MICB: variants seen among roughly 807,000 people sequenced by gnomAD.
MICB encodes the protein MHC class I antigen-related protein B.
A neutral mutation model predicts 34.3 loss-of-function variants in MICB; 27 were observed. That is an observed-to-expected ratio of 0.79 (90% confidence interval 0.58 to 1.08). MICB has a LOEUF of 1.08. MICB is among the 50% of genes least tolerant of loss of function. The probability of loss-of-function intolerance (pLI) is 0.00; values close to 1 mark genes in which losing one functional copy is unlikely to be tolerated. For missense variants in MICB, 426 were observed against 483.1 expected (o/e 0.88, Z 1.11); for synonymous variants, 153 against 187.4 (o/e 0.82, Z 1.50).
chr6:31,498,248 C>T lies in MICB; in HGVS notation c.55C>T (p.Pro19Ser), dbSNP rs1342167919. Residue 19 changes from proline (P) to serine (S), a missense_variant, in exon 1 of 6, where the codon CCG (proline) becomes TCG (serine). Pro to Ser is a moderately conservative substitution (Grantham distance 74). Coordinates refer to ENST00000252229, the MANE Select transcript of MICB (RefSeq NM_005931.5). ...GGCCGTCGCCTTCCCTTTTGCACCC[C>T]CGGCAGCCGCCGCTGGTGAGTGGGG... ...FLAVAFPFAP[P>S]AAAAEPHSLR... The T allele has an allele frequency of 2.5e-6, 4 of 1,574,486 alleles. No individual in the cohort carries two copies. Among genetic ancestry groups the T allele is most frequent in the East Asian group, 2.5e-5 (1 of 40,056 alleles).
chr6:31,504,251 T>C (rs1765165446), intron 1 of MICB, among the ~76,000 whole-genome samples: 16 of 96,896 alleles, frequency 1.7e-4, no homozygotes, highest in South Asian at 3.8e-4. Context: ...TCTCTCTCTT[T>C]TTCTTTTTTT....
rs1461659972 is a variant in MICB, at chr6:31,507,086, G to A, written c.678G>A (p.Arg226=). The change falls in exon 4 of 6, where the codon AGG becomes AGA. Residue 226 remains arginine, a synonymous_variant. Coordinates refer to ENST00000252229, the MANE Select transcript of MICB (RefSeq NM_005931.5). This position sits in a 1 kb window ranked among gnomAD's most constrained non-coding sequence, Gnocchi z 6.0. ...VSEGNITVTC[R]ASSFYPRNIT... ...AGGGCAACATCACCGTGACATGCAG[G>A]GCTTCCAGCTTCTATCCCCGGAATA... is the stretch of plus-strand genomic sequence containing the variant. 1 of 1,613,930 alleles carries A rather than the reference G, an allele frequency of 6.2e-7. No homozygotes were observed. The highest frequency in any genetic ancestry group is 8.5e-7 in the Non-Finnish European group (1 of 1,179,866).
chr6:31,509,986 GAA>G lies in MICB; in HGVS notation c.*79_*80del, dbSNP rs1414237723. On this transcript the variant is annotated 3_prime_UTR_variant, in exon 6 of 6. Transcript: ENST00000252229. ...ACTTTCCCTCTGTTTCCTGACCTAT[GAA>G]ACAGAGAAAATAACATCACTTATTT... is the stretch of plus-strand genomic sequence containing the variant. 1 of 1,372,656 alleles carries G rather than the reference GAA, an allele frequency of 7.3e-7. No homozygotes were observed. The highest frequency in any genetic ancestry group is 2.4e-5 in the African/African-American group (1 of 42,374). 85.0% of individuals were successfully genotyped at this position (1,372,656 alleles called of 1,614,324 possible). A position where few individuals can be genotyped will look rare whatever the true frequency, so the allele number is the denominator to read the frequency against.
chr6:31,498,252 C>G lies in MICB; in HGVS notation c.59C>G (p.Ala20Gly). 6.4e-7 allele frequency: 1 copy of G among 1,573,060 alleles called. No individual in the cohort carries two copies. The highest frequency in any genetic ancestry group is 8.6e-7 in the Non-Finnish European group (1 of 1,157,504). Residue 20 changes from alanine to glycine, a missense_variant, in exon 1 of 6, where the codon GCA becomes GGA. Physicochemically the swap from Ala to Gly is moderately conservative, Grantham distance 60 (BLOSUM62 0). Transcript: ENST00000252229. ...GTCGCCTTCCCTTTTGCACCCCCGG[C>G]AGCCGCCGCTGGTGAGTGGGGTTCC... ...LAVAFPFAPP[A>G]AAAEPHSLRY...
chr6:31,504,550 C>G (rs146133945), intron 1 of MICB, among the ~76,000 whole-genome samples: 10 of 140,448 alleles, frequency 7.1e-5, no homozygotes, highest in Non-Finnish European at 1.3e-4. Context: ...TGAGCCACCA[C>G]GCCTGGCCTT....
chr6:31,505,973 G>T (rs1765295903), intron 2 of MICB, 102 bp downstream of exon 2: 2 of 1,491,570 alleles, frequency 1.3e-6, no homozygotes, highest in African/African-American at 2.8e-5. Flanking sequence ...GCTGGGGGTG[G>T]GGATGAGGAA....
At chr6:31,500,665 T>A (rs1340235087) in intron 1 of MICB, among the ~76,000 whole-genome samples, 1 of 152,214 alleles carries the variant, frequency 6.6e-6, no homozygotes, top group East Asian at 1.9e-4. Context: ...ATTGTTTTAA[T>A]TTTTGGCTGC....
chr6:31,497,350 AG>A (rs1205739454), upstream of MICB, among the ~76,000 whole-genome samples: 1 of 152,166 alleles, frequency 6.6e-6, no homozygotes, highest in Non-Finnish European at 1.5e-5. Flanking sequence ...ATGGTCCCAG[AG>A]GTACAGATGT....
chr6:31,498,235 C>G lies in MICB; in HGVS notation c.42C>G (p.Phe14Leu), dbSNP rs1292886387. Residue 14 changes from phenylalanine to leucine, a missense_variant, in exon 1 of 6, where the codon TTC (phenylalanine) becomes TTG (leucine). Transcript: ENST00000252229. ...GRVLLFLAVA[F>L]PFAPPAAAAE... ...TCCTGCTGTTTCTGGCCGTCGCCTT[C>G]CCTTTTGCACCCCCGGCAGCCGCCG... The G allele has an allele frequency of 1.3e-6, 2 of 1,583,240 alleles. No individual in the cohort carries two copies. The highest frequency in any genetic ancestry group is 1.7e-6 in the Non-Finnish European group (2 of 1,162,976).
chr6:31,496,858 G>A (rs183120792), upstream of MICB: 1 of 152,836 alleles, frequency 6.5e-6, no homozygotes, highest in East Asian at 1.9e-4. Context: ...CAGTAACCTG[G>A]AAGAGGGAGA....
At chr6:31,503,444 C>A (rs555123885) in intron 1 of MICB, among the ~76,000 whole-genome samples, 2 of 152,290 alleles carry the variant, frequency 1.3e-5, no homozygotes, top group South Asian at 4.1e-4. Flanking sequence ...ACCCATTAAT[C>A]AGTAACTCCC....
chr6:31,507,337 G>A lies in MICB; in HGVS notation c.892+37G>A, dbSNP rs1765408010. The A allele has an allele frequency of 6.2e-7, 1 of 1,613,140 alleles. No individual in the cohort carries two copies. Among genetic ancestry groups the A allele is most frequent in the Non-Finnish European group, 8.5e-7 (1 of 1,179,432 alleles). ...GTGACCCTGGAGAGGGTCAGGCCAGGGTAGGAACAGCAAGGACGGCTGTGG... is the reference window on the plus strand; with the variant it reads ...GTGACCCTGGAGAGGGTCAGGCCAGAGTAGGAACAGCAAGGACGGCTGTGG... On this transcript the variant is annotated intron_variant, in intron 4 of 5. Coordinates refer to ENST00000252229, the MANE Select transcript of MICB (RefSeq NM_005931.5). The surrounding 1 kb of genome is among the most constrained non-coding windows in gnomAD (Gnocchi z 6.0).
chr6:31,497,447 C>A (rs1429595617), upstream of MICB, among the ~76,000 whole-genome samples: 1 of 151,804 alleles, frequency 6.6e-6, no homozygotes, highest in Non-Finnish European at 1.5e-5. Flanking sequence ...CCTGTGATTA[C>A]CCAGGAACTG....
upstream of MICB, among the ~76,000 whole-genome samples, chr6:31,495,240 T>C (rs1764594097): frequency 6.6e-6 from 1 of 152,052 alleles, no homozygotes; most frequent in African/African-American, 2.4e-5. Context: ...CCTTAAATAT[T>C]CATTATTATT....
chr6:31,499,245 G>T (rs190502375), intron 1 of MICB, among the ~76,000 whole-genome samples: 1 of 151,770 alleles, frequency 6.6e-6, no homozygotes, highest in Non-Finnish European at 1.5e-5. Context: ...CTCCTCTCTC[G>T]CATCCCACCC....
intron 1 of MICB, among the ~76,000 whole-genome samples, chr6:31,503,965 G>A (rs1390961347): frequency 1.3e-5 from 2 of 151,010 alleles, no homozygotes; most frequent in Non-Finnish European, 2.9e-5. Context: ...GTGTGTGTGT[G>A]TGTGTGTGTG....
intron 1 of MICB, among the ~76,000 whole-genome samples, chr6:31,505,302 T>A (rs1765240683): frequency 6.6e-6 from 1 of 152,164 alleles, no homozygotes; most frequent in Non-Finnish European, 1.5e-5. Flanking sequence ...AACACTGCCT[T>A]CATGCTCCTC....
upstream of MICB, chr6:31,498,140 G>T (rs3828917): frequency 0.038 from 55,696 of 1,472,538 alleles, 1,346 homozygotes; most frequent in South Asian, 0.055. Context: ...CTTCTCACGG[G>T]TTTCATTCAG....
At chr6:31,508,243 C>T (rs781701983) in intron 5 of MICB, among the ~76,000 whole-genome samples, 3 of 152,188 alleles carry the variant, frequency 2.0e-5, no homozygotes, top group Non-Finnish European at 4.4e-5. Context: ...TGCTCTGTGG[C>T]CTTACCTTGC....
Sources: allele counts gnomAD v4.1 joint callset (sites outside exome capture counted in the v4.1 genomes callset), GRCh38; gene constraint gnomAD v4.1.1; non-coding constraint Gnocchi (gnomAD v3.1); transcripts MANE v1.5; gene names NCBI Gene and HGNC (gene_info 2026-07-23, HGNC 2026-07-21).